MAP4K5: variants seen among roughly 807,000 people sequenced by gnomAD.
MAP4K5 encodes the protein MAPK/ERK kinase kinase kinase 5.
A neutral mutation model predicts 135.6 loss-of-function variants in MAP4K5; 82 were observed. The observed-to-expected ratio is 0.60, with a 90% CI of 0.51 to 0.73. MAP4K5 has a LOEUF of 0.73. Ranked by LOEUF, MAP4K5 falls within the 30% of genes least tolerant of loss-of-function variation. The pLI is 0.00. For missense variants in MAP4K5, 907 were observed against 1,010.9 expected, an observed-to-expected ratio of 0.90 and a Z score of 1.39; for synonymous variants, 347 against 335.0, an observed-to-expected ratio of 1.04 and a Z score of -0.39.
intron 23 of MAP4K5, 164 bp from the exon 24 acceptor site, chr14:50,438,258 T>C: frequency 2.4e-6 from 1 of 418,924 alleles, no homozygotes; most frequent in Non-Finnish European, 4.4e-6. Context: ...ATAGGTGATC[T>C]GGGCAGACTA....
At position 50,425,931 on chromosome 14, in the gene MAP4K5, C is replaced by G; in HGVS notation, c.2373G>C (p.Gln791His). Reference protein sequence around the residue: ...SVLAFWKHGMQGKSFKSDEVT... With the variant: ...SVLAFWKHGMHGKSFKSDEVT... Reference sequence around the variant, plus strand: ...CCTCATCTGACTTGAAGCTTTTACCCTGCATCCCATGTTTCCAGAAAGCCA... The same window carrying G: ...CCTCATCTGACTTGAAGCTTTTACCGTGCATCCCATGTTTCCAGAAAGCCA... The change falls in exon 31 of 33, where the codon CAG (glutamine) becomes CAC (histidine). Residue 791 changes from glutamine to histidine, a missense_variant. Transcript: ENST00000682126. The G allele has an allele frequency of 6.2e-7, 1 of 1,612,766 alleles. No homozygotes were observed. The highest frequency in any genetic ancestry group is 8.5e-7 in the Non-Finnish European group (1 of 1,179,196).
At chr14:50,442,344 A>G (rs1341240997) in intron 21 of MAP4K5, among the ~76,000 whole-genome samples, 1 of 152,056 alleles carries the variant, frequency 6.6e-6, no homozygotes, top group Non-Finnish European at 1.5e-5. Context: ...TTACTTTGAA[A>G]TATTTGTGTA....
intron 1 of MAP4K5, among the ~76,000 whole-genome samples, chr14:50,556,665 T>A (rs2038768908): frequency 6.6e-6 from 1 of 152,170 alleles, no homozygotes; most frequent in South Asian, 2.1e-4. Context: ...CTTTCTTCCA[T>A]CCCTAAGCAA....
intron 30 of MAP4K5, among the ~76,000 whole-genome samples, 176 bp from the exon 31 acceptor site, chr14:50,426,153 T>C (rs1221595657): frequency 6.6e-6 from 1 of 152,152 alleles, no homozygotes; most frequent in Admixed American, 6.5e-5. Context: ...GTTCAAGTAA[T>C]TTACTGAGGT....
chr14:50,424,095 T>A (rs772557187), intron 31 of MAP4K5, among the ~76,000 whole-genome samples: 73 of 152,020 alleles, frequency 4.8e-4, no homozygotes, highest in African/African-American at 1.6e-3. Flanking sequence ...ATACACTATC[T>A]GTATTTGAGT....
chr14:50,478,700 G>T (rs1300505272), intron 6 of MAP4K5, among the ~76,000 whole-genome samples: 1 of 152,108 alleles, frequency 6.6e-6, no homozygotes, highest in African/African-American at 2.4e-5. Context: ...TGAGCATAAT[G>T]TTGGACTTTC....
intron 9 of MAP4K5, among the ~76,000 whole-genome samples, chr14:50,474,758 A>G (rs549935803): frequency 5.3e-5 from 8 of 152,326 alleles, no homozygotes; most frequent in African/African-American, 1.9e-4. Flanking sequence ...AAAGTGGAAA[A>G]GTCCTAGATT....
Position 50,443,931 on chromosome 14 carries a change from A to G in MAP4K5, c.1437+8T>C. 2 of 1,591,144 alleles carry G rather than the reference A, an allele frequency of 1.3e-6. No individual in the cohort carries two copies. Among genetic ancestry groups the G allele is most frequent in the South Asian group, 1.1e-5 (1 of 88,676 alleles). ...TACAACTAATTGCTAAATGCCTGTT[A>G]TACCTACAGGGAAGTCTCGTTTGTC... On this transcript the variant is annotated splice_region_variant and intron_variant, in intron 19 of 32. Coordinates refer to ENST00000682126, the MANE Select transcript of MAP4K5 (RefSeq NM_006575.6).
intron 3 of MAP4K5, among the ~76,000 whole-genome samples, chr14:50,497,883 A>G (rs899702166): frequency 7.9e-5 from 12 of 151,986 alleles, no homozygotes; most frequent in Non-Finnish European, 2.9e-5. Flanking sequence ...CATCCTGGGT[A>G]GTGATGTATT....
At chr14:50,442,704 A>C (rs1230859838) in intron 21 of MAP4K5, 28 bp downstream of exon 21, 1 of 1,276,064 alleles carries the variant, frequency 7.8e-7, no homozygotes, top group Non-Finnish European at 1.1e-6. Flanking sequence ...ATTTTATTGG[A>C]GATGTATATA....
chr14:50,480,759 T>C (rs185537780), intron 6 of MAP4K5, among the ~76,000 whole-genome samples: 39 of 152,330 alleles, frequency 2.6e-4, no homozygotes, highest in African/African-American at 9.1e-4. Context: ...TATATACACA[T>C]AGCCTACTAA....
intron 28 of MAP4K5, among the ~76,000 whole-genome samples, chr14:50,429,846 G>A (rs1226224284): frequency 1.3e-5 from 2 of 152,082 alleles, no homozygotes; most frequent in Admixed American, 6.6e-5. Flanking sequence ...AACTCTCATC[G>A]TTTTGCTGAT....
intron 2 of MAP4K5, among the ~76,000 whole-genome samples, chr14:50,521,568 G>A (rs1037320919): frequency 3.9e-5 from 6 of 152,174 alleles, no homozygotes; most frequent in African/African-American, 1.4e-4. Flanking sequence ...AGATTATCGT[G>A]TGAAACAAAT....
intron 1 of MAP4K5, among the ~76,000 whole-genome samples, chr14:50,544,401 A>G (rs1302214879): frequency 2.0e-5 from 3 of 152,198 alleles, no homozygotes; most frequent in African/African-American, 7.2e-5. Context: ...CTTAGGGAAT[A>G]AATCTTGATT....
chr14:50,502,497 A>G (rs1420783667), intron 3 of MAP4K5, among the ~76,000 whole-genome samples: 2 of 152,124 alleles, frequency 1.3e-5, no homozygotes, highest in Non-Finnish European at 2.9e-5. Flanking sequence ...AAATATGAAG[A>G]CGTGGCAAAA....
intron 30 of MAP4K5, among the ~76,000 whole-genome samples, chr14:50,427,100 TC>T (rs1595417976): frequency 1.3e-5 from 2 of 152,044 alleles, no homozygotes; most frequent in African/African-American, 4.8e-5. Context: ...CATTTTTTTT[TC>T]CCCAGGAGGA....
chr14:50,451,500 T>C (rs1394921285), intron 14 of MAP4K5, among the ~76,000 whole-genome samples: 1 of 151,926 alleles, frequency 6.6e-6, no homozygotes, highest in Non-Finnish European at 1.5e-5. Context: ...AAAGAAAAAA[T>C]GCAGACACAT....
At chr14:50,488,698 AG>A (rs1272150470) in intron 3 of MAP4K5, among the ~76,000 whole-genome samples, 1 of 152,210 alleles carries the variant, frequency 6.6e-6, no homozygotes, top group South Asian at 2.1e-4. Flanking sequence ...GGTTTCTATC[AG>A]GCAAGGTGAG....
At chr14:50,547,623 A>T (rs1324925024) in intron 1 of MAP4K5, among the ~76,000 whole-genome samples, 1 of 152,214 alleles carries the variant, frequency 6.6e-6, no homozygotes. Context: ...AACCCCTATA[A>T]CAGCCCTGTG....
Sources: gnomAD v4.1 joint callset for allele counts (sites outside exome capture counted in the v4.1 genomes callset) on GRCh38, gnomAD v4.1.1 for gene constraint, MANE v1.5 for transcripts, NCBI Gene and HGNC (gene_info 2026-07-23, HGNC 2026-07-21) for gene names.